Variants in DMXL2 observed in about 807,000 individuals in gnomAD.
The protein encoded by DMXL2 is dmX-like protein 2.
DMXL2 carries 103 observed loss-of-function variants against 331.1 expected under a neutral mutation model. The observed-to-expected ratio is 0.31, with a 90% CI of 0.27 to 0.37. DMXL2 has a LOEUF of 0.37. DMXL2 is among the 10% of genes least tolerant of loss of function. The pLI, the probability that DMXL2 is intolerant of heterozygous loss-of-function variation, is 1.00. For synonymous variants in DMXL2, 1,281 were observed against 1,252.1 expected, an observed-to-expected ratio of 1.02 and a Z score of -0.49; for missense variants, 3,171 against 3,642.9, an observed-to-expected ratio of 0.87 and a Z score of 3.33.
At chr15:51,463,328 T>G in intron 33 of DMXL2, 51 bp downstream of exon 33, 2 of 1,171,960 alleles carry the variant, frequency 1.7e-6, no homozygotes, top group South Asian at 1.4e-5. Context: ...CTTAGAAATG[T>G]TAAAGAAAAC....
At chr15:51,456,265 C>A in intron 38 of DMXL2, 44 bp downstream of exon 38, 4 of 1,596,706 alleles carry the variant, frequency 2.5e-6, no homozygotes. Context: ...ATAAATCAAC[C>A]TCCAAATGAG....
chr15:51,556,447 A>T (rs1214991771), intron 6 of DMXL2, among the ~76,000 whole-genome samples: 1 of 151,968 alleles, frequency 6.6e-6, no homozygotes, highest in African/African-American at 2.4e-5. Flanking sequence ...CAAGGTTTAC[A>T]AAATCAGTCC....
intron 35 of DMXL2, 33 bp from the exon 36 acceptor site, chr15:51,458,660 C>T (rs764388333): frequency 4.3e-6 from 7 of 1,613,680 alleles, no homozygotes; most frequent in Non-Finnish European, 1.7e-6. Context: ...ATGATTTAAG[C>T]AATTTCACTA....
At position 51,488,450 on chromosome 15, in the gene DMXL2, G is replaced by A; in HGVS notation, c.5051+98C>T. The A allele has an allele frequency of 3.8e-6, 4 of 1,059,712 alleles. No individual in the cohort carries two copies. In the South Asian group the frequency reaches 5.9e-5, roughly 16 times the overall value. 65.6% of individuals were successfully genotyped at this position (1,059,712 alleles called of 1,614,324 possible). On this transcript the variant is annotated intron_variant, in intron 21 of 43. Transcript: ENST00000560891. Reference sequence around the variant, plus strand: ...CAGGTCGCATAGAAGTGGATTTGATGAAGCTCATATACCTAATTATTTTCA... The same window carrying A: ...CAGGTCGCATAGAAGTGGATTTGATAAAGCTCATATACCTAATTATTTTCA...
At chr15:51,496,716 T>G (rs746424393) in intron 18 of DMXL2, among the ~76,000 whole-genome samples, 1 of 152,168 alleles carries the variant, frequency 6.6e-6, no homozygotes, top group African/African-American at 2.4e-5. Context: ...TAATGAGAAT[T>G]GATTATTGGA....
chr15:51,620,853 C>G (rs2054579291), intron 1 of DMXL2, among the ~76,000 whole-genome samples: 1 of 152,216 alleles, frequency 6.6e-6, no homozygotes, highest in African/African-American at 2.4e-5. Flanking sequence ...ACAGCACTAA[C>G]AGTTCTTACA....
intron 39 of DMXL2, 124 bp from the exon 40 acceptor site, chr15:51,455,352 G>T: frequency 2.4e-6 from 2 of 824,368 alleles, no homozygotes; most frequent in South Asian, 1.6e-5. Context: ...TGTTTCTGTT[G>T]CTGTCATTCC....
chr15:51,458,798 A>G lies in DMXL2; in HGVS notation c.7990-3T>C. The G allele has an allele frequency of 6.2e-7, 1 of 1,613,710 alleles. No individual in the cohort carries two copies. The highest frequency in any genetic ancestry group is 8.5e-7 in the Non-Finnish European group (1 of 1,179,728). ...GGATAGCCCAGATCAGCTTCAACCT[A>G]GAAAACATTCATCAGCAGTTTTAGT... On this transcript the variant is annotated splice_region_variant and splice_polypyrimidine_tract_variant and intron_variant, in intron 34 of 43. Coordinates refer to ENST00000560891, the MANE Select transcript of DMXL2 (RefSeq NM_001378457.1).
intron 29 of DMXL2, among the ~76,000 whole-genome samples, chr15:51,468,933 G>A (rs1396779914): frequency 6.6e-6 from 1 of 151,780 alleles, no homozygotes; most frequent in Non-Finnish European, 1.5e-5. Context: ...CAGGGCAAAC[G>A]AAAAAGGTGG....
At chr15:51,595,279 A>G (rs2052713628) in intron 1 of DMXL2, among the ~76,000 whole-genome samples, 1 of 152,232 alleles carries the variant, frequency 6.6e-6, no homozygotes. Flanking sequence ...TACCAATAAC[A>G]GACAAACAGA....
At chr15:51,609,949 T>G (rs1021377701) in intron 1 of DMXL2, among the ~76,000 whole-genome samples, 2 of 149,832 alleles carry the variant, frequency 1.3e-5, no homozygotes, top group East Asian at 3.9e-4. Context: ...AAAAAAAAAC[T>G]ATCTAGGTTT....
intron 18 of DMXL2, among the ~76,000 whole-genome samples, chr15:51,496,780 TGA>T (rs2043212477): frequency 6.6e-6 from 1 of 152,200 alleles, no homozygotes. Flanking sequence ...ATACTGGGTA[TGA>T]GAGAAAGCAG....
rs369037093 is a variant in DMXL2, at chr15:51,563,422, C to G, written c.526G>C (p.Glu176Gln). 11 of 1,609,654 alleles carry G rather than the reference C, an allele frequency of 6.8e-6. No individual in the cohort carries two copies. The highest frequency in any genetic ancestry group is 3.3e-4 in the Middle Eastern group (2 of 6,068). Residue 176 changes from glutamate (E) to glutamine (Q), a missense_variant, in exon 6 of 44, where the codon GAA becomes CAA. Glu to Gln is a conservative substitution (Grantham distance 29). Transcript: ENST00000560891. ...AAATATTCACCATCAGGAGACCATT[C>G]CATCAAATGTACAGATACTGAGGTT... Reference protein sequence around the residue: ...CKTSVSVHLMEWSPDGEYFAT... With the variant: ...CKTSVSVHLMQWSPDGEYFAT...
At chr15:51,465,675 G>C in intron 30 of DMXL2, 24 bp from the exon 31 acceptor site, 1 of 1,483,162 alleles carries the variant, frequency 6.7e-7, no homozygotes, top group Non-Finnish European at 9.2e-7. Flanking sequence ...GGCAAAAAGA[G>C]TCTTTAAGTG....
intron 31 of DMXL2, 95 bp from the exon 32 acceptor site, chr15:51,464,971 T>G (rs2040445855): frequency 1.8e-6 from 2 of 1,098,178 alleles, no homozygotes; most frequent in Non-Finnish European, 2.6e-6. Context: ...ATAATACTTC[T>G]GAAAATACAA....
rs554788458 is a variant in DMXL2, at chr15:51,538,280, T to C, written c.1278A>G (p.Ala426=). Residue 426 remains alanine (A), a synonymous_variant, in exon 10 of 44, where the codon GCA becomes GCG. Coordinates refer to ENST00000560891, the MANE Select transcript of DMXL2 (RefSeq NM_001378457.1). ...GTGAATGTTCCTCATCTTCTCTATC[T>C]GCATCATCATTTTCATGATCTACCT... ...DKQVDHENDD[A]DREDEEHSQE... 17 of 1,613,684 alleles carry C rather than the reference T, an allele frequency of 1.1e-5. No homozygotes were observed. The East Asian group carries it at 2.9e-4, about 28-fold the overall frequency.
At chr15:51,453,085 G>T (rs1348765113) in intron 41 of DMXL2, among the ~76,000 whole-genome samples, 3 of 152,140 alleles carry the variant, frequency 2.0e-5, no homozygotes, top group African/African-American at 4.8e-5. Flanking sequence ...TGGGGGCTTG[G>T]GAGGGGTGGG....
At chr15:51,492,825 T>C (rs745560361) in intron 19 of DMXL2, among the ~76,000 whole-genome samples, 3 of 152,204 alleles carry the variant, frequency 2.0e-5, no homozygotes, top group Admixed American at 6.5e-5. Flanking sequence ...CATTACAACA[T>C]AGGCCTCTCA....
chr15:51,576,693 A>G (rs2051072538), intron 1 of DMXL2, among the ~76,000 whole-genome samples: 1 of 152,214 alleles, frequency 6.6e-6, no homozygotes, highest in Non-Finnish European at 1.5e-5. Context: ...ACATGCACTA[A>G]GGCAATGGCT....
Sources: allele counts gnomAD v4.1 joint callset (sites outside exome capture counted in the v4.1 genomes callset), GRCh38; gene constraint gnomAD v4.1.1; transcripts MANE v1.5; gene names NCBI Gene and HGNC (gene_info 2026-07-23, HGNC 2026-07-21).